Variants in PCDHGB5 observed in about 807,000 individuals in gnomAD.
PCDHGB5 encodes the protein protocadherin gamma-B5.
Under a neutral mutation model 62.9 loss-of-function variants are expected in PCDHGB5, and 48 were observed. The ratio of observed to expected loss-of-function variants is 0.76; its 90% CI spans 0.61 to 0.97. The LOEUF is 0.97. Among genes scored for constraint, PCDHGB5 ranks in the 50% least tolerant of loss-of-function variants. The probability of loss-of-function intolerance (pLI) is 0.00; values close to 1 mark genes in which losing one functional copy is unlikely to be tolerated. For missense variants in PCDHGB5, 1,118 were observed against 1,198.6 expected (o/e 0.93, Z 0.99); for synonymous variants, 474 against 511.2 (o/e 0.93, Z 0.98).
At position 141,463,977 on chromosome 5, in the gene PCDHGB5, T is replaced by C. The variant is rs948698340; in HGVS notation, c.2398-30830T>C. On this transcript the variant is annotated intron_variant, in intron 1 of 3. Coordinates refer to ENST00000617380, the MANE Select transcript of PCDHGB5 (RefSeq NM_018925.3). ...TTTAAAATAGCTTCATAAAACTCCA[T>C]TGTAAAAACCAGGTGCAGTGGCTCA... Among the ~76,000 whole-genome samples the C allele has an allele frequency of 2.6e-5, 4 of 152,258 alleles. 1 individual carries two copies. The highest frequency in any genetic ancestry group is 4.4e-5 in the Non-Finnish European group (3 of 68,004).
chr5:141,454,892 C>T (rs1389056318), intron 1 of PCDHGB5, among the ~76,000 whole-genome samples: 4 of 146,994 alleles, frequency 2.7e-5, no homozygotes, highest in Non-Finnish European at 5.9e-5. Context: ...ACTGCTAGCA[C>T]CGCCTCCCGG....
chr5:141,456,335 G>A (rs2098850730), intron 1 of PCDHGB5, among the ~76,000 whole-genome samples: 1 of 152,114 alleles, frequency 6.6e-6, no homozygotes. Flanking sequence ...TTGATCTAAG[G>A]GTCCTCGGAA....
chr5:141,404,586 A>G, intron 1 of PCDHGB5: 1 of 1,614,008 alleles, frequency 6.2e-7, no homozygotes, highest in Non-Finnish European at 8.5e-7. Context: ...CTTAGCAGCA[A>G]TGTGTCATTG....
At chr5:141,474,115 G>A (rs1404490690) in intron 1 of PCDHGB5, among the ~76,000 whole-genome samples, 2 of 152,062 alleles carry the variant, frequency 1.3e-5, no homozygotes, top group South Asian at 2.1e-4. Context: ...CAACAACAAC[G>A]AAAATCTCAG....
chr5:141,407,505 T>TTTTTTTTTTTTTTTTTGAGACGG (rs1460306566), intron 1 of PCDHGB5, among the ~76,000 whole-genome samples: 2 of 152,146 alleles, frequency 1.3e-5, no homozygotes, highest in African/African-American at 4.8e-5. Flanking sequence ...CTGTTTTTCT[T>TTTTTTTTTTTTTTTTTGAGACGG]AGGCTATGTA....
intron 1 of PCDHGB5, chr5:141,410,177 A>C (rs2095365763): frequency 1.2e-6 from 2 of 1,613,626 alleles, no homozygotes; most frequent in Non-Finnish European, 1.7e-6. Flanking sequence ...TGCCACCGCC[A>C]CGCTTCATCT....
intron 1 of PCDHGB5, chr5:141,418,560 A>G (rs752240769): frequency 1.2e-6 from 2 of 1,614,034 alleles, no homozygotes; most frequent in Non-Finnish European, 1.7e-6. Context: ...CTGGTAATAG[A>G]TGCCAATGAC....
At chr5:141,466,004 C>T (rs1336655723) in intron 1 of PCDHGB5, among the ~76,000 whole-genome samples, 1 of 151,920 alleles carries the variant, frequency 6.6e-6, no homozygotes, top group Non-Finnish European at 1.5e-5. Flanking sequence ...CACCTGTAGT[C>T]CCAGCTACTC....
chr5:141,473,362 C>A (rs2099320242), intron 1 of PCDHGB5, among the ~76,000 whole-genome samples: 1 of 152,166 alleles, frequency 6.6e-6, no homozygotes, highest in Admixed American at 6.5e-5. Context: ...AAGTGGCCAC[C>A]AAAATAGCAT....
At chr5:141,464,223 CCACTGCA>C (rs916210777) in intron 1 of PCDHGB5, among the ~76,000 whole-genome samples, 4 of 150,824 alleles carry the variant, frequency 2.7e-5, no homozygotes, top group Non-Finnish European at 4.4e-5. Flanking sequence ...TGAGATTGCG[CCACTGCA>C]CTCCAGCCTG....
At chr5:141,466,545 T>C (rs2099124777) in intron 1 of PCDHGB5, among the ~76,000 whole-genome samples, 1 of 152,216 alleles carries the variant, frequency 6.6e-6, no homozygotes. Flanking sequence ...AGATGGTCTT[T>C]TGCTGTGGGC....
intron 1 of PCDHGB5, among the ~76,000 whole-genome samples, chr5:141,436,613 A>C (rs1334315821): frequency 1.3e-5 from 2 of 152,206 alleles, no homozygotes; most frequent in Non-Finnish European, 2.9e-5. Flanking sequence ...AGGGCTAACA[A>C]AAATCTGATT....
At chr5:141,478,576 G>A (rs543160289) in intron 1 of PCDHGB5, 1 of 1,585,480 alleles carries the variant, frequency 6.3e-7, no homozygotes, top group Non-Finnish European at 8.6e-7. Flanking sequence ...GCTTGACCCT[G>A]TTAGTGCTTT....
At chr5:141,410,706 G>A in intron 1 of PCDHGB5, 1 of 1,454,410 alleles carries the variant, frequency 6.9e-7, no homozygotes, top group Non-Finnish European at 9.2e-7. Flanking sequence ...TTCATATCTA[G>A]AATCATATGT....
At chr5:141,405,422 GTT>G in intron 1 of PCDHGB5, 2 of 1,509,830 alleles carry the variant, frequency 1.3e-6, no homozygotes, top group Non-Finnish European at 1.8e-6. Context: ...TTTGTTTTTT[GTT>G]TTGTTTTGTT....
In PCDHGB5 at chr5:141,486,070, T is replaced by G; in HGVS notation, c.2398-8737T>G. The G allele has an allele frequency of 6.2e-7, 1 of 1,614,158 alleles. No individual in the cohort carries two copies. Among genetic ancestry groups the G allele is most frequent in the Non-Finnish European group, 8.5e-7 (1 of 1,180,010 alleles). On this transcript the variant is annotated intron_variant, in intron 1 of 3. Coordinates refer to ENST00000617380, the MANE Select transcript of PCDHGB5 (RefSeq NM_018925.3). This position sits in a 1 kb window ranked among gnomAD's most constrained non-coding sequence, Gnocchi z 5.0. ...ACCTCTTTAGCCTGCACCCCACTAC[T>G]GGAAAGCTTACTCTTTTGGGGCCCC...
chr5:141,404,736 A>G, intron 1 of PCDHGB5: 1 of 1,613,622 alleles, frequency 6.2e-7, no homozygotes, highest in Non-Finnish European at 8.5e-7. Context: ...GTGGCAGTGG[A>G]CAGAGACTCA....
Position 141,431,451 on chromosome 5 carries a change from T to C in PCDHGB5, c.2397+30927T>C. On this transcript the variant is annotated intron_variant, in intron 1 of 3. Transcript: ENST00000617380. The surrounding 1 kb of genome is among the most constrained non-coding windows in gnomAD (Gnocchi z 4.8). ...ACAGGCACCGCGCGCATCCGCGTGA[T>C]GGTTCTGGATGCGAACGACAACGCA... The C allele has an allele frequency of 6.2e-7, 1 of 1,613,762 alleles. No individual in the cohort carries two copies. Among genetic ancestry groups the C allele is most frequent in the African/African-American group, 1.3e-5 (1 of 75,072 alleles).
chr5:141,398,841 TC>T lies in PCDHGB5; in HGVS notation c.719del (p.Pro240ArgfsTer51), dbSNP rs1383151737. ...TCCAGGTAACCGACGCCAATGATAA[TC>T]CCCCGGTATTCAACCGAGACGTGTA... ...RIQVTDANDN[P>X]PVFNRDVYRV... On this transcript the variant is annotated frameshift_variant, in exon 1 of 4. Transcript: ENST00000617380. LOFTEE classifies it high-confidence loss of function. The T allele has an allele frequency of 3.1e-6, 5 of 1,613,612 alleles. No individual in the cohort carries two copies. The highest frequency in any genetic ancestry group is 1.3e-5 in the African/African-American group (1 of 74,810).
Sources: gnomAD v4.1 joint callset for allele counts (sites outside exome capture counted in the v4.1 genomes callset) on GRCh38, gnomAD v4.1.1 for gene constraint, Gnocchi (gnomAD v3.1) non-coding constraint, MANE v1.5 for transcripts, NCBI Gene and HGNC (gene_info 2026-07-23, HGNC 2026-07-21) for gene names.